Variants in SMYD3 observed in about 807,000 individuals in gnomAD.
SMYD3 encodes histone-lysine N-methyltransferase SMYD3.
A neutral mutation model predicts 57.7 loss-of-function variants in SMYD3; 36 were observed. The observed-to-expected ratio is 0.62, with a 90% CI of 0.48 to 0.82. The LOEUF is 0.82. Among genes scored for constraint, SMYD3 ranks in the 40% least tolerant of loss-of-function variants. SMYD3 has a pLI of 0.00. For missense variants in SMYD3, 515 were observed against 538.8 expected, an observed-to-expected ratio of 0.96 and a Z score of 0.44; for synonymous variants, 211 against 195.0, an observed-to-expected ratio of 1.08 and a Z score of -0.68.
chr1:245,924,737 A>G (rs891302450), intron 7 of SMYD3, among the ~76,000 whole-genome samples: 3 of 141,210 alleles, frequency 2.1e-5, no homozygotes, highest in African/African-American at 5.4e-5. Context: ...ATCTTGGCTC[A>G]CCGCAACCTG....
intron 1 of SMYD3, among the ~76,000 whole-genome samples, chr1:246,475,773 C>T (rs1000643327): frequency 1.3e-5 from 2 of 152,084 alleles, no homozygotes; most frequent in African/African-American, 4.8e-5. Context: ...CACCAACACA[C>T]CAGGCTAATT....
At position 246,463,055 on chromosome 1, in the gene SMYD3, G is replaced by A. The variant is rs1002548057; in HGVS notation, c.164+43999C>T. On this transcript the variant is annotated intron_variant, in intron 1 of 11. Transcript: ENST00000490107. ...AATGAACTTGCTGAATGACTGCAAT[G>A]AGATTGAGAAAAGGAAAAAGTCAAG... Among the ~76,000 whole-genome samples, 4 of 152,220 alleles carry A rather than the reference G, an allele frequency of 2.6e-5. No homozygotes were observed. In the East Asian group the frequency reaches 7.7e-4, roughly 29 times the overall value.
At chr1:245,839,302 T>C (rs2050269392) in intron 10 of SMYD3, among the ~76,000 whole-genome samples, 1 of 152,202 alleles carries the variant, frequency 6.6e-6, no homozygotes, top group Non-Finnish European at 1.5e-5. Flanking sequence ...CCCACGTAGC[T>C]GGGACTACAG....
intron 10 of SMYD3, among the ~76,000 whole-genome samples, chr1:245,855,643 T>C (rs952653457): frequency 1.3e-5 from 2 of 152,218 alleles, no homozygotes; most frequent in African/African-American, 2.4e-5. Context: ...TACATTTTGT[T>C]GTATGTGATT....
At chr1:246,286,692 C>G (rs2064572804) in intron 5 of SMYD3, among the ~76,000 whole-genome samples, 2 of 152,002 alleles carry the variant, frequency 1.3e-5, no homozygotes. Context: ...TGGCACATAC[C>G]AGACACTCAA....
At chr1:245,830,480 T>A (rs1490671831) in intron 10 of SMYD3, among the ~76,000 whole-genome samples, 1 of 152,096 alleles carries the variant, frequency 6.6e-6, no homozygotes, top group African/African-American at 2.4e-5. Flanking sequence ...CCTTGACATG[T>A]GGGGATTATT....
intron 5 of SMYD3, among the ~76,000 whole-genome samples, chr1:246,201,258 T>C (rs897249492): frequency 3.2e-4 from 49 of 152,176 alleles, no homozygotes; most frequent in African/African-American, 1.1e-3. Context: ...GATGAGAATA[T>C]GGACACATCC....
At chr1:246,148,870 C>T (rs2061898730) in intron 5 of SMYD3, among the ~76,000 whole-genome samples, 1 of 152,120 alleles carries the variant, frequency 6.6e-6, no homozygotes, top group South Asian at 2.1e-4. Context: ...CAGAGGACAC[C>T]AGGGCAGAGT....
chr1:245,893,530 AACC>A (rs2053529530), intron 8 of SMYD3, among the ~76,000 whole-genome samples: 1 of 152,238 alleles, frequency 6.6e-6, no homozygotes, highest in Non-Finnish European at 1.5e-5. Context: ...AATAAAAATG[AACC>A]AACTATTGAG....
rs188688261 is a variant in SMYD3 at position 246,430,359 on chromosome 1, A to C, written c.165-75265T>G. On this transcript the variant is annotated intron_variant, in intron 1 of 11. Coordinates refer to ENST00000490107, the MANE Select transcript of SMYD3 (RefSeq NM_001167740.2). ...TGTAAGAAATGAGGATCTATTTAAG[A>C]GAGGAAGGCAAGAAGCAAGAGTAAA... Among the ~76,000 whole-genome samples, 1,196 of 152,360 alleles carry C rather than the reference A, an allele frequency of 7.8e-3. 12 individuals are homozygous for C. Among genetic ancestry groups the C allele is most frequent in the African/African-American group, 0.027 (1,143 of 41,588 alleles).
At chr1:245,777,101 C>T (rs1272613661) in intron 10 of SMYD3, among the ~76,000 whole-genome samples, 4 of 152,150 alleles carry the variant, frequency 2.6e-5, no homozygotes, top group African/African-American at 9.7e-5. Flanking sequence ...AATGGACAAC[C>T]ATGAATAGGT....
intron 5 of SMYD3, among the ~76,000 whole-genome samples, chr1:246,190,780 G>T (rs1256903020): frequency 6.6e-6 from 1 of 151,982 alleles, no homozygotes; most frequent in East Asian, 1.9e-4. Context: ...TTTTCACCTT[G>T]TTCTCCAGCT....
intron 5 of SMYD3, among the ~76,000 whole-genome samples, chr1:245,958,313 T>C (rs773146185): frequency 6.6e-6 from 1 of 152,188 alleles, no homozygotes; most frequent in Non-Finnish European, 1.5e-5. Context: ...CGATGCAGAC[T>C]GCTTATCCAT....
chr1:246,365,815 C>T (rs763913320), intron 1 of SMYD3, among the ~76,000 whole-genome samples: 1 of 152,148 alleles, frequency 6.6e-6, no homozygotes, highest in Non-Finnish European at 1.5e-5. Flanking sequence ...GGCCCCAAAT[C>T]GCCAAAAGCT....
At chr1:246,288,654 A>G (rs962570751) in intron 5 of SMYD3, among the ~76,000 whole-genome samples, 2 of 152,234 alleles carry the variant, frequency 1.3e-5, no homozygotes, top group African/African-American at 4.8e-5. Context: ...GGGAAAATGC[A>G]AAGAATTGAG....
intron 1 of SMYD3, among the ~76,000 whole-genome samples, chr1:246,406,585 T>C (rs945382079): frequency 6.6e-6 from 1 of 152,212 alleles, no homozygotes; most frequent in Non-Finnish European, 1.5e-5. Flanking sequence ...GTGTCCATAG[T>C]GCTACGTGTT....
rs12078118 is a variant in SMYD3, at chr1:245,811,343, A to C, written c.1076+47153T>G. 6.9e-3 allele frequency among the ~76,000 whole-genome samples: 1,057 copies of C among 152,354 alleles called. 8 individuals are homozygous for C. Among genetic ancestry groups the C allele is most frequent in the African/African-American group, 0.024 (991 of 41,578 alleles). ...TAATTTTGAAGCAGTTCAGGTATAC[A>C]GATGTGTTTCCAGCCTACTTAAGAA... is the stretch of plus-strand genomic sequence containing the variant. On this transcript the variant is annotated intron_variant, in intron 10 of 11. Coordinates refer to ENST00000490107, the MANE Select transcript of SMYD3 (RefSeq NM_001167740.2).
At chr1:246,031,001 G>C (rs1182846873) in intron 5 of SMYD3, among the ~76,000 whole-genome samples, 1 of 152,134 alleles carries the variant, frequency 6.6e-6, no homozygotes, top group Non-Finnish European at 1.5e-5. Flanking sequence ...GGACAGGGCT[G>C]CTTCCCCAAA....
At chr1:245,879,630 TAGGAA>T (rs2052670392) in intron 8 of SMYD3, among the ~76,000 whole-genome samples, 1 of 152,176 alleles carries the variant, frequency 6.6e-6, no homozygotes, top group South Asian at 2.1e-4. Context: ...GAGAGCAGAA[TAGGAA>T]TCTTAGAAAA....
Sources: gnomAD v4.1 joint callset for allele counts (sites outside exome capture counted in the v4.1 genomes callset) on GRCh38, gnomAD v4.1.1 for gene constraint, MANE v1.5 for transcripts, NCBI Gene and HGNC (gene_info 2026-07-23, HGNC 2026-07-21) for gene names.